DNAJC3: variants seen among roughly 807,000 people sequenced by gnomAD.
The protein encoded by DNAJC3 is dnaJ homolog subfamily C member 3.
In DNAJC3, 38 loss-of-function variants were observed where a neutral mutation model predicts 68.6. The observed-to-expected ratio is 0.55, with a 90% confidence interval of 0.43 to 0.73. DNAJC3 has a LOEUF of 0.73. Ranked by LOEUF, DNAJC3 falls within the 30% of genes least tolerant of loss-of-function variation. The pLI, the probability that DNAJC3 is intolerant of heterozygous loss-of-function variation, is 0.00. For missense variants in DNAJC3, 526 were observed against 591.9 expected (o/e 0.89, Z 1.16); for synonymous variants, 203 against 204.0 (o/e 1.00, Z 0.04).
intron 2 of DNAJC3, among the ~76,000 whole-genome samples, chr13:95,710,879 C>T (rs1420500639): frequency 2.0e-5 from 3 of 151,802 alleles, no homozygotes; most frequent in Non-Finnish European, 4.4e-5. Context: ...TTAATAGAAA[C>T]TGGGTTTCAC....
At chr13:95,684,672 C>A (rs773978220) in intron 1 of DNAJC3, among the ~76,000 whole-genome samples, 1 of 152,232 alleles carries the variant, frequency 6.6e-6, no homozygotes, top group Non-Finnish European at 1.5e-5. Context: ...GCAGCTCCTT[C>A]TATCATAGGC....
At chr13:95,784,712 A>T (rs1234179604) in intron 9 of DNAJC3, among the ~76,000 whole-genome samples, 1 of 152,226 alleles carries the variant, frequency 6.6e-6, no homozygotes, top group Non-Finnish European at 1.5e-5. Context: ...CGTCAGCAGT[A>T]AGCCAACCTT....
At chr13:95,742,449 T>A (rs537240285) in intron 4 of DNAJC3, among the ~76,000 whole-genome samples, 1 of 152,220 alleles carries the variant, frequency 6.6e-6, no homozygotes, top group Non-Finnish European at 1.5e-5. Flanking sequence ...GCAGTCTCCA[T>A]GCAGCTGGTT....
At chr13:95,763,267 A>C (rs1209655380) in intron 7 of DNAJC3, among the ~76,000 whole-genome samples, 1 of 152,226 alleles carries the variant, frequency 6.6e-6, no homozygotes, top group Non-Finnish European at 1.5e-5. Flanking sequence ...CTGACCAAGA[A>C]ATAAAACTTG....
intron 1 of DNAJC3, among the ~76,000 whole-genome samples, chr13:95,678,722 A>G (rs1879834770): frequency 6.6e-6 from 1 of 151,696 alleles, no homozygotes; most frequent in Non-Finnish European, 1.5e-5. Flanking sequence ...GTTCTGTTTA[A>G]TGGTGATTTT....
chr13:95,683,588 C>G (rs901995108), intron 1 of DNAJC3, among the ~76,000 whole-genome samples: 1 of 152,162 alleles, frequency 6.6e-6, no homozygotes, highest in African/African-American at 2.4e-5. Context: ...GCTTCATGTA[C>G]AACCTACAGA....
intron 1 of DNAJC3, among the ~76,000 whole-genome samples, chr13:95,690,488 A>G (rs1316690696): frequency 1.3e-5 from 2 of 151,306 alleles, no homozygotes; most frequent in East Asian, 2.0e-4. Context: ...CCCGTTCTCA[A>G]TGAGCTGTTG....
At chr13:95,730,444 C>G (rs1881674663) in intron 4 of DNAJC3, among the ~76,000 whole-genome samples, 1 of 152,078 alleles carries the variant, frequency 6.6e-6, no homozygotes, top group Non-Finnish European at 1.5e-5. Flanking sequence ...AGTTTTAGGT[C>G]TTACGTTTAA....
At chr13:95,749,300 T>C (rs1882401878) in intron 4 of DNAJC3, among the ~76,000 whole-genome samples, 1 of 152,194 alleles carries the variant, frequency 6.6e-6, no homozygotes, top group Non-Finnish European at 1.5e-5. Context: ...GCTAGACCAT[T>C]CTTGTGTATG....
chr13:95,758,617 CA>C (rs34861867), intron 5 of DNAJC3, among the ~76,000 whole-genome samples: 60,629 of 136,834 alleles, frequency 0.44, 12,502 homozygotes, highest in Non-Finnish European at 0.46. Context: ...GACTCCGTCT[CA>C]AAAAAAAAAA....
At chr13:95,734,781 G>C (rs1299929490) in intron 4 of DNAJC3, among the ~76,000 whole-genome samples, 2 of 145,922 alleles carry the variant, frequency 1.4e-5, no homozygotes, top group East Asian at 4.0e-4. Context: ...TTCTGAAATT[G>C]TTTGTTCTGC....
chr13:95,738,927 T>A (rs1272837611), intron 4 of DNAJC3, among the ~76,000 whole-genome samples: 1 of 152,230 alleles, frequency 6.6e-6, no homozygotes, highest in Non-Finnish European at 1.5e-5. Context: ...CTCGATGGTC[T>A]TTACATTTTG....
At chr13:95,768,843 T>A (rs943223012) in intron 9 of DNAJC3, among the ~76,000 whole-genome samples, 3 of 151,938 alleles carry the variant, frequency 2.0e-5, no homozygotes, top group Non-Finnish European at 2.9e-5. Flanking sequence ...GGCATGGTGG[T>A]ATGCATCTGT....
At chr13:95,778,667 G>A (rs1883352073) in intron 9 of DNAJC3, among the ~76,000 whole-genome samples, 2 of 152,180 alleles carry the variant, frequency 1.3e-5, no homozygotes, top group Admixed American at 6.5e-5. Flanking sequence ...ATAGAATGAT[G>A]TTTGTACAGT....
chr13:95,767,110 G>A (rs1883014046), intron 9 of DNAJC3, among the ~76,000 whole-genome samples: 2 of 152,120 alleles, frequency 1.3e-5, no homozygotes, highest in African/African-American at 4.8e-5. Flanking sequence ...TCACATTGCT[G>A]TGAAAAAGAT....
chr13:95,771,208 C>A (rs1180163232), intron 9 of DNAJC3, among the ~76,000 whole-genome samples: 3 of 151,940 alleles, frequency 2.0e-5, no homozygotes, highest in Non-Finnish European at 2.9e-5. Flanking sequence ...TTTTTTCTTT[C>A]TTTAGGGATA....
At chr13:95,727,951 T>C (rs1287588652) in intron 4 of DNAJC3, among the ~76,000 whole-genome samples, 2 of 152,226 alleles carry the variant, frequency 1.3e-5, no homozygotes, top group African/African-American at 4.8e-5. Context: ...TAATTTGATA[T>C]TCATTTCTTA....
intron 4 of DNAJC3, among the ~76,000 whole-genome samples, chr13:95,747,127 G>A (rs887922335): frequency 2.0e-5 from 3 of 152,188 alleles, no homozygotes; most frequent in African/African-American, 7.2e-5. Flanking sequence ...TTGTCTTTGA[G>A]CTGTCAGTTA....
intron 4 of DNAJC3, among the ~76,000 whole-genome samples, chr13:95,735,094 G>A (rs1382885256): frequency 6.6e-6 from 1 of 150,728 alleles, no homozygotes; most frequent in Non-Finnish European, 1.5e-5. Context: ...TCTTGCGATA[G>A]TTTACTGAGA....
Sources: gnomAD v4.1 joint callset for allele counts (sites outside exome capture counted in the v4.1 genomes callset) on GRCh38, gnomAD v4.1.1 for gene constraint, MANE v1.5 for transcripts, NCBI Gene and HGNC (gene_info 2026-07-23, HGNC 2026-07-21) for gene names.